The following IL15RA variants were observed in gnomAD, a reference collection of about 807,000 sequenced individuals.
IL15RA encodes interleukin 15 receptor subunit alpha.
IL15RA carries 26 observed loss-of-function variants against 24.2 expected under a neutral mutation model. The observed-to-expected ratio is 1.07, with a 90% CI of 0.79 to 1.49. IL15RA has a LOEUF of 1.49. Among genes scored for constraint, IL15RA ranks in the 40% most tolerant of loss-of-function variants. IL15RA has a pLI of 0.00. For missense variants in IL15RA, 354 were observed against 356.4 expected (o/e 0.99, Z 0.05); for synonymous variants, 166 against 157.6 (o/e 1.05, Z -0.40).
rs1836078127 is a variant in IL15RA at position 5,964,106 on chromosome 10, A to G, written c.284-265T>C. Reference sequence around the variant, plus strand: ...GGCTGAGATTATATTAATGATATCAATTCAATTTTATAATGCTGGTTATTC... The same window carrying G: ...GGCTGAGATTATATTAATGATATCAGTTCAATTTTATAATGCTGGTTATTC... On this transcript the variant is annotated intron_variant, in intron 2 of 6. Coordinates refer to ENST00000379977, the MANE Select transcript of IL15RA (RefSeq NM_002189.4). This position sits in a 1 kb window ranked among gnomAD's most constrained non-coding sequence, Gnocchi z 5.6. Among the ~76,000 whole-genome samples, 1 of 152,240 alleles carries G rather than the reference A, an allele frequency of 6.6e-6. No individual in the cohort carries two copies. The highest frequency in any genetic ancestry group is 1.5e-5 in the Non-Finnish European group (1 of 68,050).
Position 5,963,410 on chromosome 10 carries a change from A to C in IL15RA, c.382+333T>G, listed in dbSNP as rs924688239. Reference sequence around the variant, plus strand: ...CCTCTTTTCTGCCAGCACCCATGAAAATGTTGAGGGCTAACACACATGCAA... The same window carrying C: ...CCTCTTTTCTGCCAGCACCCATGAACATGTTGAGGGCTAACACACATGCAA... On this transcript the variant is annotated intron_variant, in intron 3 of 6. Coordinates refer to ENST00000379977, the MANE Select transcript of IL15RA (RefSeq NM_002189.4). This position sits in a 1 kb window ranked among gnomAD's most constrained non-coding sequence, Gnocchi z 5.3. Among the ~76,000 whole-genome samples, 49 of 152,148 alleles carry C rather than the reference A, an allele frequency of 3.2e-4. No individual in the cohort carries two copies. The highest frequency in any genetic ancestry group is 1.2e-3 in the African/African-American group (48 of 41,442).
In IL15RA at chr10:5,962,875, G is replaced by T. The variant is rs1016052515; in HGVS notation, c.382+868C>A. Among the ~76,000 whole-genome samples, 1 of 152,180 alleles carries T rather than the reference G, an allele frequency of 6.6e-6. No homozygotes were observed. The highest frequency in any genetic ancestry group is 2.1e-4 in the South Asian group (1 of 4,830). On this transcript the variant is annotated intron_variant, in intron 3 of 6. Coordinates refer to ENST00000379977, the MANE Select transcript of IL15RA (RefSeq NM_002189.4). The surrounding 1 kb of genome is among the most constrained non-coding windows in gnomAD (Gnocchi z 5.2). Reference sequence around the variant, plus strand: ...AGGTATCATAGCATGCAGGGCGGAGGATCCCAAGAAAGCATCCAAGATTTC... The same window carrying T: ...AGGTATCATAGCATGCAGGGCGGAGTATCCCAAGAAAGCATCCAAGATTTC...
chr10:5,974,710 C>G (rs1838140341), intron 1 of IL15RA, among the ~76,000 whole-genome samples: 1 of 151,976 alleles, frequency 6.6e-6, no homozygotes, highest in Non-Finnish European at 1.5e-5. Flanking sequence ...AACCCCATCT[C>G]TACTAAAAAT....
At position 5,975,525 on chromosome 10, in the gene IL15RA, A is replaced by G; in HGVS notation, c.88+1880T>C. ...GTATGCATTTACCTCCAAACTTATC[A>G]AAGTGTGCAACTTCAATATATGCAG... On this transcript the variant is annotated intron_variant, in intron 1 of 6. Coordinates refer to ENST00000379977, the MANE Select transcript of IL15RA (RefSeq NM_002189.4). The surrounding 1 kb of genome is among the most constrained non-coding windows in gnomAD (Gnocchi z 4.8). Among the ~76,000 whole-genome samples, 1 of 152,090 alleles carries G rather than the reference A, an allele frequency of 6.6e-6. No homozygotes were observed. Among genetic ancestry groups the G allele is most frequent in the Admixed American group, 6.5e-5 (1 of 15,282 alleles).
At position 5,977,390 on chromosome 10, in the gene IL15RA, C is replaced by T; in HGVS notation, c.88+15G>A. The T allele has an allele frequency of 1.6e-6, 2 of 1,252,480 alleles. No individual in the cohort carries two copies. Among genetic ancestry groups the T allele is most frequent in the Non-Finnish European group, 2.0e-6 (2 of 978,718 alleles). The allele number at this position is 1,252,480 out of a possible 1,614,324, so 77.6% of individuals were successfully genotyped here. A position where few individuals can be genotyped will look rare whatever the true frequency, so the allele number is the denominator to read the frequency against. ...TCCAAGTCCCGCCCGGGCGCCCCTG[C>T]TCCCAGCTCCCTACCCCGCGTCGCC... On this transcript the variant is annotated intron_variant, in intron 1 of 6. Transcript: ENST00000379977.
chr10:5,952,938 C>T lies in IL15RA; in HGVS notation c.*157G>A, dbSNP rs975511951. The T allele has an allele frequency of 3.9e-5, 25 of 640,910 alleles. No individual in the cohort carries two copies. The highest frequency in any genetic ancestry group is 1.1e-4 in the East Asian group (4 of 37,540). 39.7% of individuals were successfully genotyped at this position (640,910 alleles called of 1,614,324 possible). A position where few individuals can be genotyped will look rare whatever the true frequency, so the allele number is the denominator to read the frequency against. On this transcript the variant is annotated 3_prime_UTR_variant, in exon 7 of 7. Transcript: ENST00000379977. ...AGAACCTGCTCCCTCGCGCAGGAGGCGCCGACCCGGCAGTCCGTGAGATCC... is the reference window on the plus strand; with the variant it reads ...AGAACCTGCTCCCTCGCGCAGGAGGTGCCGACCCGGCAGTCCGTGAGATCC...
At chr10:5,976,602 G>T (rs920194954) in intron 1 of IL15RA, among the ~76,000 whole-genome samples, 3 of 152,108 alleles carry the variant, frequency 2.0e-5, no homozygotes, top group Non-Finnish European at 4.4e-5. Context: ...CGCTGACAAG[G>T]ATAGAGCTAG....
Position 5,966,191 on chromosome 10 carries a change from C to T in IL15RA, c.237G>A (p.Lys79=), listed in dbSNP as rs3181147. The change falls in exon 2 of 7, where the codon AAG becomes AAA. Residue 79 remains lysine, a synonymous_variant. Transcript: ENST00000379977. The surrounding 1 kb of genome is among the most constrained non-coding windows in gnomAD (Gnocchi z 6.4). Reference sequence around the variant, plus strand: ...TTGTCCAGTGGGCGACATTCGTGGCCTTGTTCAACACGCACTCCGTCAGGC... The same window carrying T: ...TTGTCCAGTGGGCGACATTCGTGGCTTTGTTCAACACGCACTCCGTCAGGC... ...TSSLTECVLN[K]ATNVAHWTTP... is the part of the protein sequence containing the mutation. 8.9e-3 allele frequency: 14,437 copies of T among 1,613,362 alleles called. 246 individuals carry two copies. The highest frequency in any genetic ancestry group is 0.06 in the Admixed American group (3,612 of 59,984).
At position 5,975,837 on chromosome 10, in the gene IL15RA, G is replaced by A. The variant is rs1474359807; in HGVS notation, c.88+1568C>T. 2.6e-5 allele frequency among the ~76,000 whole-genome samples: 4 copies of A among 152,142 alleles called. No homozygotes were observed. Among genetic ancestry groups the A allele is most frequent in the African/African-American group, 9.7e-5 (4 of 41,442 alleles). ...GAACCCAGGAGGCGGAGGTTGCAGTGAGCTGAGATCGCGCTACTGCACCCC... is the reference window on the plus strand; with the variant it reads ...GAACCCAGGAGGCGGAGGTTGCAGTAAGCTGAGATCGCGCTACTGCACCCC... On this transcript the variant is annotated intron_variant, in intron 1 of 6. Transcript: ENST00000379977. This position sits in a 1 kb window ranked among gnomAD's most constrained non-coding sequence, Gnocchi z 4.8.
chr10:5,956,551 G>A (rs1834545855), intron 5 of IL15RA, 97 bp from the exon 6 acceptor site: 2 of 883,558 alleles, frequency 2.3e-6, no homozygotes, highest in Non-Finnish European at 3.7e-6. Context: ...AGGGATCCAA[G>A]TGCCTCCCAA....
chr10:5,953,029 G>T lies in IL15RA; in HGVS notation c.*66C>A. ...GCCCGCTTCCTTGCACCTCTTCTCA[G>T]TCGTCTTTAGCTAAAGCAGAGAGGC... On this transcript the variant is annotated 3_prime_UTR_variant, in exon 7 of 7. Transcript: ENST00000379977. This position sits in a 1 kb window ranked among gnomAD's most constrained non-coding sequence, Gnocchi z 5.3. 2 of 1,198,566 alleles carry T rather than the reference G, an allele frequency of 1.7e-6. No individual in the cohort carries two copies. Among genetic ancestry groups the T allele is most frequent in the Non-Finnish European group, 2.5e-6 (2 of 807,416 alleles). 74.2% of individuals were successfully genotyped at this position (1,198,566 alleles called of 1,614,324 possible).
In IL15RA at chr10:5,960,609, C is replaced by A. The variant is rs1274984888; in HGVS notation, c.383-42G>T. 1 of 1,531,964 alleles carries A rather than the reference C, an allele frequency of 6.5e-7. No individual in the cohort carries two copies. The highest frequency in any genetic ancestry group is 1.1e-5 in the South Asian group (1 of 88,306). The allele number at this position is 1,531,964 out of a possible 1,614,324, so 94.9% of individuals were successfully genotyped here. A position where few individuals can be genotyped will look rare whatever the true frequency, so the allele number is the denominator to read the frequency against. ...GGCAGGGACAACATCAGTGTGCAGACTCCCCTCCTCTCAGCTGCAGCACGG... is the reference window on the plus strand; with the variant it reads ...GGCAGGGACAACATCAGTGTGCAGAATCCCCTCCTCTCAGCTGCAGCACGG... On this transcript the variant is annotated intron_variant, in intron 3 of 6. Coordinates refer to ENST00000379977, the MANE Select transcript of IL15RA (RefSeq NM_002189.4). The surrounding 1 kb of genome is among the most constrained non-coding windows in gnomAD (Gnocchi z 5.1).
rs1295895002 is a variant in IL15RA, at chr10:5,971,446, C to G, written c.89-5107G>C. 6.6e-6 allele frequency among the ~76,000 whole-genome samples: 1 copy of G among 152,222 alleles called. No homozygotes were observed. The highest frequency in any genetic ancestry group is 1.9e-4 in the East Asian group (1 of 5,204). On this transcript the variant is annotated intron_variant, in intron 1 of 6. Transcript: ENST00000379977. The surrounding 1 kb of genome is among the most constrained non-coding windows in gnomAD (Gnocchi z 5.5). Reference sequence around the variant, plus strand: ...CTTCCTTATCTATCAGGTTGGTTTACAGAGTCTAATAAGAGCTGGCAGCCT... The same window carrying G: ...CTTCCTTATCTATCAGGTTGGTTTAGAGAGTCTAATAAGAGCTGGCAGCCT...
Position 5,961,064 on chromosome 10 carries a change from A to G in IL15RA, c.383-497T>C, listed in dbSNP as rs1041142666. On this transcript the variant is annotated intron_variant, in intron 3 of 6. Coordinates refer to ENST00000379977, the MANE Select transcript of IL15RA (RefSeq NM_002189.4). The surrounding 1 kb of genome is among the most constrained non-coding windows in gnomAD (Gnocchi z 5.2). ...CAAGTAGCTGGAATTACAGGTGTCC[A>G]CCACCACGCCCAGCTAATTTTTGTA... Among the ~76,000 whole-genome samples, 2 of 152,056 alleles carry G rather than the reference A, an allele frequency of 1.3e-5. No homozygotes were observed. Among genetic ancestry groups the G allele is most frequent in the Non-Finnish European group, 2.9e-5 (2 of 68,006 alleles).
downstream of IL15RA, among the ~76,000 whole-genome samples, chr10:5,949,532 C>CA (rs1833730168): frequency 6.6e-6 from 1 of 152,088 alleles, no homozygotes; most frequent in South Asian, 2.1e-4. The surrounding 1 kb of genome is among the most constrained non-coding windows in gnomAD (Gnocchi z 4.4). Context: ...CTCGGGGAGT[C>CA]CGCTCTGTGC....
In IL15RA at chr10:5,966,073, A is replaced by T; in HGVS notation, c.283+72T>A. On this transcript the variant is annotated intron_variant, in intron 2 of 6. Coordinates refer to ENST00000379977, the MANE Select transcript of IL15RA (RefSeq NM_002189.4). This position sits in a 1 kb window ranked among gnomAD's most constrained non-coding sequence, Gnocchi z 6.4. ...CAGCACAGATCCCTTGACCCCTGAG[A>T]TGGGGTCTTCTCTCTGTGCAGCCTT... The T allele has an allele frequency of 9.3e-7, 1 of 1,080,984 alleles. No homozygotes were observed. The highest frequency in any genetic ancestry group is 1.4e-6 in the Non-Finnish European group (1 of 719,606). 67.0% of individuals were successfully genotyped at this position (1,080,984 alleles called of 1,614,324 possible).
At chr10:5,969,529 T>G (rs761692085) in intron 1 of IL15RA, among the ~76,000 whole-genome samples, 31 of 152,120 alleles carry the variant, frequency 2.0e-4, no homozygotes, top group Non-Finnish European at 4.1e-4. Flanking sequence ...TGCACCACCA[T>G]GCCCAGCTAG....
rs935253438 is a variant in IL15RA at position 5,967,271 on chromosome 10, C to T, written c.89-932G>A. Among the ~76,000 whole-genome samples the T allele has an allele frequency of 6.6e-6, 1 of 152,152 alleles. No individual in the cohort carries two copies. The highest frequency in any genetic ancestry group is 1.5e-5 in the Non-Finnish European group (1 of 68,040). ...CCAGGCTGGAGTGCAGTGGCACGAT[C>T]TTGGCTCACTGCAACCTCCACCTCC... On this transcript the variant is annotated intron_variant, in intron 1 of 6. Transcript: ENST00000379977. This position sits in a 1 kb window ranked among gnomAD's most constrained non-coding sequence, Gnocchi z 4.4.
At position 5,977,446 on chromosome 10, in the gene IL15RA, G is replaced by A; in HGVS notation, c.47C>T (p.Ala16Val). The A allele has an allele frequency of 1.5e-6, 2 of 1,367,824 alleles. No individual in the cohort carries two copies. The highest frequency in any genetic ancestry group is 1.9e-6 in the Non-Finnish European group (2 of 1,062,172). 84.7% of individuals were successfully genotyped at this position (1,367,824 alleles called of 1,614,324 possible). ...CCGGAGCAGCAGCAGCAGTAGCAGCGCCGGGAGACCGAGGGTCCGGCAGCC... is the reference window on the plus strand; with the variant it reads ...CCGGAGCAGCAGCAGCAGTAGCAGCACCGGGAGACCGAGGGTCCGGCAGCC... The part of the protein sequence containing the change: ...ARGCRTLGLP[A>V]LLLLLLLRPP... Residue 16 changes from alanine to valine, a missense_variant, in exon 1 of 7, where the codon GCG becomes GTG. Transcript: ENST00000379977.
Sources: gnomAD v4.1 joint callset for allele counts (sites outside exome capture counted in the v4.1 genomes callset) on GRCh38, gnomAD v4.1.1 for gene constraint, Gnocchi (gnomAD v3.1) non-coding constraint, MANE v1.5 for transcripts, NCBI Gene and HGNC (gene_info 2026-07-23, HGNC 2026-07-21) for gene names.